Variants in CABYR observed in about 807,000 individuals in gnomAD.
CABYR encodes the protein calcium binding tyrosine phosphorylation regulated, also known as calcium-binding tyrosine phosphorylation-regulated protein.
CABYR carries 31 observed loss-of-function variants against 36.1 expected under a neutral mutation model. The ratio of observed to expected loss-of-function variants is 0.86; its 90% CI spans 0.64 to 1.16. The LOEUF is 1.16. Ranked by LOEUF, CABYR falls within the 50% of genes most tolerant of loss-of-function variation. CABYR has a pLI of 0.00. For synonymous variants in CABYR, 146 were observed against 160.7 expected (o/e 0.91, Z 0.69); for missense variants, 429 against 455.8 (o/e 0.94, Z 0.53).
rs752904827 is a variant in CABYR at position 24,156,094 on chromosome 18, T to C, written c.541+52T>C. 3 of 1,614,094 alleles carry C rather than the reference T, an allele frequency of 1.9e-6. No individual in the cohort carries two copies. The highest frequency in any genetic ancestry group is 2.5e-6 in the Non-Finnish European group (3 of 1,180,048). ...CAATCTGATGTGTTAATGGTGGATG[T>C]GGCAACCAGTATGCCTGTTGTTATC... On this transcript the variant is annotated intron_variant, in intron 4 of 5. Coordinates refer to ENST00000399496, the MANE Select transcript of CABYR (RefSeq NM_153769.3).
intron 3 of CABYR, chr18:24,150,599 G>A: frequency 3.1e-6 from 3 of 982,850 alleles, no homozygotes; most frequent in Non-Finnish European, 3.6e-6. Context: ...GAGGAAGAGG[G>A]GAGAAACTAA....
chr18:24,160,228 A>C (rs17259667), intron 5 of CABYR, 159 bp downstream of exon 5: 96,805 of 611,588 alleles, frequency 0.16, 8,470 homozygotes, highest in South Asian at 0.29. Flanking sequence ...AACTTCCTAA[A>C]CACCAGTTAC....
At chr18:24,145,439 G>T (rs1052366963) in intron 3 of CABYR, among the ~76,000 whole-genome samples, 1 of 152,152 alleles carries the variant, frequency 6.6e-6, no homozygotes, top group Non-Finnish European at 1.5e-5. Context: ...TCAAATTCTT[G>T]TGCAGGGAAA....
In CABYR at chr18:24,156,808, C is replaced by A. The variant is rs147349985; in HGVS notation, c.541+766C>A. The A allele has an allele frequency of 2.5e-6, 4 of 1,614,064 alleles. No individual in the cohort carries two copies. In the South Asian group the frequency reaches 4.4e-5, roughly 18 times the overall value. ...TCTGACAATACTGGGCAGGAGGAGT[C>A]TGGGGAAAACTCTGTACCCCAGGAG... On this transcript the variant is annotated intron_variant, in intron 4 of 5. Transcript: ENST00000399496.
chr18:24,147,759 A>G (rs1445500312), intron 3 of CABYR, among the ~76,000 whole-genome samples: 1 of 152,142 alleles, frequency 6.6e-6, no homozygotes, highest in East Asian at 1.9e-4. Flanking sequence ...AAAAACAGAT[A>G]TGGTATCTAA....
intron 4 of CABYR, chr18:24,156,398 T>G (rs376666158): frequency 6.2e-7 from 1 of 1,614,258 alleles, no homozygotes; most frequent in Non-Finnish European, 8.5e-7. Context: ...TCTATAACGA[T>G]GTGCCTGTGA....
intron 4 of CABYR, 155 bp downstream of exon 4, chr18:24,156,197 A>AG: frequency 6.2e-7 from 1 of 1,614,170 alleles, no homozygotes; most frequent in Non-Finnish European, 8.5e-7. Flanking sequence ...AGGTGCTAGA[A>AG]GTGCAGGTTG....
At chr18:24,144,744 A>G (rs746366160) in intron 3 of CABYR, among the ~76,000 whole-genome samples, 2 of 152,230 alleles carry the variant, frequency 1.3e-5, no homozygotes, top group Admixed American at 1.3e-4. Flanking sequence ...GAAGGAGGAG[A>G]ATCTTTAATA....
chr18:24,159,895 A>C lies in CABYR; in HGVS notation c.965A>C (p.Asp322Ala), dbSNP rs139330925. 12 of 1,614,040 alleles carry C rather than the reference A, an allele frequency of 7.4e-6. No homozygotes were observed. In the African/African-American group the frequency reaches 1.6e-4, roughly 22 times the overall value. Residue 322 changes from aspartate (D) to alanine (A), a missense_variant, in exon 5 of 6, where the codon GAT (aspartate) becomes GCT (alanine). Asp to Ala is a moderately radical substitution (Grantham distance 126). Transcript: ENST00000399496. Reference sequence around the variant, plus strand: ...AATGCTAATCCTCCAAGTGGACAAGATGTCCCCAGGCCAAAAAGCCCTGTT... The same window carrying C: ...AATGCTAATCCTCCAAGTGGACAAGCTGTCCCCAGGCCAAAAAGCCCTGTT... ...PQNANPPSGQ[D>A]VPRPKSPVFL...
intron 1 of CABYR, among the ~76,000 whole-genome samples, chr18:24,142,656 T>TA (rs397809358): frequency 2.0e-5 from 3 of 151,134 alleles, no homozygotes; most frequent in African/African-American, 4.9e-5. Flanking sequence ...TTTTTTTTTT[T>TA]AAACTACCAT....
Position 24,161,586 on chromosome 18 carries a change from C to T in CABYR, c.*70C>T. 1.3e-6 allele frequency: 1 copy of T among 773,552 alleles called. No homozygotes were observed. Among genetic ancestry groups the T allele is most frequent in the Non-Finnish European group, 2.4e-6 (1 of 415,364 alleles). 47.9% of individuals were successfully genotyped at this position (773,552 alleles called of 1,614,324 possible). On this transcript the variant is annotated 3_prime_UTR_variant, in exon 6 of 6. Coordinates refer to ENST00000399496, the MANE Select transcript of CABYR (RefSeq NM_153769.3). ...GCCACCAGTGTAATGTATCAATAAA[C>T]TTCATGCAAGCATACAATTTTGTAT...
chr18:24,152,839 T>C (rs1016415502), intron 3 of CABYR: 4 of 152,102 alleles, frequency 2.6e-5, no homozygotes, highest in African/African-American at 9.7e-5. Flanking sequence ...AAATCAGTGG[T>C]TGGAGAATTT....
intron 3 of CABYR, among the ~76,000 whole-genome samples, chr18:24,149,294 TA>T (rs1347425449): frequency 6.7e-6 from 1 of 149,658 alleles, no homozygotes; most frequent in Non-Finnish European, 1.5e-5. Context: ...AAAGGTTCTC[TA>T]CGGCCCCACC....
At chr18:24,146,956 C>G (rs2085474769) in intron 3 of CABYR, among the ~76,000 whole-genome samples, 1 of 151,986 alleles carries the variant, frequency 6.6e-6, no homozygotes, top group African/African-American at 2.4e-5. Context: ...CAGACAAAAA[C>G]TGAGAAGAAT....
intron 3 of CABYR, 128 bp downstream of exon 3, chr18:24,143,541 TA>T: frequency 2.7e-6 from 1 of 374,128 alleles, no homozygotes; most frequent in Non-Finnish European, 4.6e-6. Context: ...TGTTCCTTTT[TA>T]AAATATATAT....
Position 24,159,648 on chromosome 18 carries a change from C to T in CABYR, c.718C>T (p.Pro240Ser), listed in dbSNP as rs749025450. 1.9e-5 allele frequency: 30 copies of T among 1,613,944 alleles called. No individual in the cohort carries two copies. The highest frequency in any genetic ancestry group is 5.3e-5 in the African/African-American group (4 of 74,856). ...PKDPQFQQHP[P>S]KVTFPTYVMG... is the part of the protein sequence containing the mutation. ...GGATCCACAGTTTCAGCAGCATCCA[C>T]CAAAAGTCACTTTTCCAACTTATGT... is the stretch of plus-strand genomic sequence containing the variant. Residue 240 changes from proline to serine, a missense_variant, in exon 5 of 6, where the codon CCA becomes TCA. By Grantham distance (74) the Pro-to-Ser change is moderately conservative. Transcript: ENST00000399496.
At chr18:24,148,151 G>A (rs557461393) in intron 3 of CABYR, among the ~76,000 whole-genome samples, 1 of 152,296 alleles carries the variant, frequency 6.6e-6, no homozygotes, top group East Asian at 1.9e-4. Context: ...ACAGGCCAAA[G>A]GAGGCTGATA....
chr18:24,142,990 G>A lies in CABYR; in HGVS notation c.-24-101G>A, dbSNP rs1051537275. 41 of 784,304 alleles carry A rather than the reference G, an allele frequency of 5.2e-5. 1 individual carries two copies. Among genetic ancestry groups the A allele is most frequent in the South Asian group, 3.4e-4 (16 of 47,120 alleles). The allele number at this position is 784,304 out of a possible 1,614,324, so 48.6% of individuals were successfully genotyped here. On this transcript the variant is annotated intron_variant, in intron 1 of 5. Transcript: ENST00000399496. The stretch of plus-strand genomic sequence containing the variant: ...GGAGGTTGCAGTGAGCTGAGATCAC[G>A]CCACTGCACTCCAGCCTGGGTGACA...
intron 4 of CABYR, among the ~76,000 whole-genome samples, chr18:24,157,331 A>G (rs552390824): frequency 6.6e-6 from 1 of 152,330 alleles, no homozygotes; most frequent in East Asian, 1.9e-4. Flanking sequence ...CTGATTGCAA[A>G]ACTGTAATTA....
Sources: gnomAD v4.1 joint callset for allele counts (sites outside exome capture counted in the v4.1 genomes callset) on GRCh38, gnomAD v4.1.1 for gene constraint, MANE v1.5 for transcripts, NCBI Gene and HGNC (gene_info 2026-07-23, HGNC 2026-07-21) for gene names.